NBEA: variants seen among roughly 807,000 people sequenced by gnomAD.
The protein encoded by NBEA is lysosomal-trafficking regulator 2.
A neutral mutation model predicts 343.4 loss-of-function variants in NBEA; 44 were observed. The ratio of observed to expected loss-of-function variants is 0.13; its 90% CI spans 0.10 to 0.16. The LOEUF is 0.16. Among genes scored for constraint, NBEA ranks in the 10% least tolerant of loss-of-function variants. The pLI, the probability that NBEA is intolerant of heterozygous loss-of-function variation, is 1.00. For missense variants in NBEA, 2,555 were observed against 3,631.3 expected, an observed-to-expected ratio of 0.70 and a Z score of 7.62; for synonymous variants, 1,175 against 1,238.7, an observed-to-expected ratio of 0.95 and a Z score of 1.08.
chr13:35,459,015 C>CACACA (rs1555270504), intron 40 of NBEA, among the ~76,000 whole-genome samples: 6 of 104,966 alleles, frequency 5.7e-5, no homozygotes, highest in African/African-American at 2.7e-4. Flanking sequence ...GCCCCCCCCC[C>CACACA]CCCACACACA....
intron 2 of NBEA, among the ~76,000 whole-genome samples, chr13:35,042,653 A>T (rs1187734518): frequency 6.6e-6 from 1 of 151,782 alleles, no homozygotes; most frequent in Non-Finnish European, 1.5e-5. Context: ...AAAGCTCCTT[A>T]ATTCTTTTAT....
intron 34 of NBEA, among the ~76,000 whole-genome samples, chr13:35,285,125 G>A (rs2035335596): frequency 6.6e-6 from 1 of 151,946 alleles, no homozygotes; most frequent in African/African-American, 2.4e-5. Context: ...TACTAATTTG[G>A]GGATTTTTAA....
intron 36 of NBEA, among the ~76,000 whole-genome samples, chr13:35,343,203 C>T (rs1264070579): frequency 6.6e-6 from 1 of 151,902 alleles, no homozygotes. Flanking sequence ...AAGATGCTAC[C>T]ATCCTAAATT....
At chr13:35,011,659 G>A (rs962458694) in intron 1 of NBEA, among the ~76,000 whole-genome samples, 2 of 151,788 alleles carry the variant, frequency 1.3e-5, no homozygotes, top group Non-Finnish European at 2.9e-5. Context: ...GCCCATAGTT[G>A]GTAGTTCACA....
chr13:34,986,337 G>A (rs1366224436), intron 1 of NBEA, among the ~76,000 whole-genome samples: 1 of 150,834 alleles, frequency 6.6e-6, no homozygotes, highest in African/African-American at 2.4e-5. Context: ...CCATGTAGTT[G>A]TGCGGTTTTG....
At chr13:35,573,438 G>A (rs116143187) in intron 45 of NBEA, among the ~76,000 whole-genome samples, 23 of 152,220 alleles carry the variant, frequency 1.5e-4, no homozygotes, top group African/African-American at 5.3e-4. Flanking sequence ...CAACTAAAAA[G>A]GTAGACTTCA....
At chr13:35,498,585 CA>C (rs2076772232) in intron 41 of NBEA, among the ~76,000 whole-genome samples, 1 of 152,032 alleles carries the variant, frequency 6.6e-6, no homozygotes, top group African/African-American at 2.4e-5. Context: ...TGCTCAAAAA[CA>C]AAGTGTCCCA....
intron 41 of NBEA, among the ~76,000 whole-genome samples, chr13:35,518,436 G>A (rs117283855): frequency 0.014 from 2,085 of 152,272 alleles, 20 homozygotes; most frequent in Non-Finnish European, 0.022. Context: ...GCCGGAAATG[G>A]AATTAAAGAT....
At chr13:35,324,197 A>G (rs1342878304) in intron 36 of NBEA, among the ~76,000 whole-genome samples, 5 of 152,194 alleles carry the variant, frequency 3.3e-5, no homozygotes, top group Non-Finnish European at 7.3e-5. Flanking sequence ...AAAGGTGAGA[A>G]GTGAGGAGAT....
intron 1 of NBEA, among the ~76,000 whole-genome samples, chr13:35,024,149 C>T (rs376607406): frequency 9.2e-5 from 14 of 152,116 alleles, no homozygotes; most frequent in African/African-American, 2.9e-4. Flanking sequence ...CTAGCTGCAA[C>T]CATGTTGTTG....
rs1274979944 is a variant in NBEA at position 35,206,779 on chromosome 13, CA to C, written c.5367-1914del. 5.3e-5 allele frequency among the ~76,000 whole-genome samples: 8 copies of C among 152,078 alleles called. No individual in the cohort carries two copies. The East Asian group carries it at 1.5e-3, about 29-fold the overall frequency. On this transcript the variant is annotated intron_variant, in intron 31 of 58. Transcript: ENST00000379939. ...AGCATTAGTCTTACGATTTTACACT[CA>C]AAAAAATGTAAGATCATACAGTTTG...
At chr13:35,595,738 C>T (rs1372266000) in intron 47 of NBEA, among the ~76,000 whole-genome samples, 1 of 152,034 alleles carries the variant, frequency 6.6e-6, no homozygotes, top group Non-Finnish European at 1.5e-5. Context: ...AAACCATCAT[C>T]CTCAAAGATG....
intron 41 of NBEA, among the ~76,000 whole-genome samples, chr13:35,516,432 A>G (rs1390940611): frequency 6.6e-6 from 1 of 152,192 alleles, no homozygotes; most frequent in Non-Finnish European, 1.5e-5. Context: ...TATGCCTATA[A>G]TGTTTTATCC....
intron 1 of NBEA, among the ~76,000 whole-genome samples, chr13:34,949,692 T>G (rs1168226009): frequency 6.6e-6 from 1 of 152,206 alleles, no homozygotes; most frequent in Non-Finnish European, 1.5e-5. Flanking sequence ...AGTGCAGTTA[T>G]TGTTTCTTAA....
chr13:35,439,818 A>G (rs1443679633), intron 39 of NBEA, among the ~76,000 whole-genome samples: 1 of 152,198 alleles, frequency 6.6e-6, no homozygotes, highest in African/African-American at 2.4e-5. Flanking sequence ...TCACATTAAT[A>G]CAATTCTTTG....
chr13:34,986,585 A>G (rs989834539), intron 1 of NBEA, among the ~76,000 whole-genome samples: 2 of 150,790 alleles, frequency 1.3e-5, no homozygotes. Context: ...AGTTCTGGAT[A>G]TCCTTGTTAA....
intron 41 of NBEA, among the ~76,000 whole-genome samples, chr13:35,542,693 C>T (rs2078888480): frequency 6.6e-6 from 1 of 151,944 alleles, no homozygotes; most frequent in African/African-American, 2.4e-5. Flanking sequence ...TTAACAGTTA[C>T]AATTTTCCAT....
At chr13:35,085,186 C>A (rs1354164171) in intron 10 of NBEA, among the ~76,000 whole-genome samples, 9 of 152,112 alleles carry the variant, frequency 5.9e-5, no homozygotes, top group Non-Finnish European at 1.3e-4. Flanking sequence ...CCTTCTGAAA[C>A]TATTCCAATC....
chr13:35,342,213 A>G (rs1300267714), intron 36 of NBEA, among the ~76,000 whole-genome samples: 5 of 152,054 alleles, frequency 3.3e-5, no homozygotes, highest in Non-Finnish European at 7.4e-5. Context: ...GGAAATTGAA[A>G]CTAACTACTA....
Sources: allele counts gnomAD v4.1 joint callset (sites outside exome capture counted in the v4.1 genomes callset), GRCh38; gene constraint gnomAD v4.1.1; transcripts MANE v1.5; gene names NCBI Gene and HGNC (gene_info 2026-07-23, HGNC 2026-07-21).